The following SSBP3 variants were observed in gnomAD, a reference collection of about 807,000 sequenced individuals.
The protein encoded by SSBP3 is single stranded DNA binding protein 3.
SSBP3 carries 5 observed loss-of-function variants against 69.6 expected under a neutral mutation model. That is an observed-to-expected ratio of 0.07 (90% confidence interval 0.04 to 0.15). The LOEUF (loss-of-function observed/expected upper bound fraction) is 0.15. Among genes scored for constraint, SSBP3 ranks in the 10% least tolerant of loss-of-function variants. SSBP3 has a pLI of 1.00. For missense variants in SSBP3, 312 were observed against 534.0 expected (o/e 0.58, Z 4.10); for synonymous variants, 196 against 193.4 (o/e 1.01, Z -0.11).
chr1:54,317,171 C>T (rs1032406736), intron 4 of SSBP3, among the ~76,000 whole-genome samples: 16 of 152,046 alleles, frequency 1.1e-4, no homozygotes, highest in African/African-American at 3.1e-4. Flanking sequence ...AGGAAGGAAT[C>T]GCCAATTAAG....
chr1:54,299,859 C>A (rs948740616), intron 4 of SSBP3, among the ~76,000 whole-genome samples: 2 of 152,238 alleles, frequency 1.3e-5, no homozygotes, highest in Non-Finnish European at 2.9e-5. Context: ...TTGCCACACA[C>A]CAGCTCAGCC....
intron 4 of SSBP3, among the ~76,000 whole-genome samples, chr1:54,386,504 A>AC (rs1648089484): frequency 6.6e-6 from 1 of 151,602 alleles, no homozygotes; most frequent in East Asian, 1.9e-4. Context: ...AGGTGTTCTC[A>AC]CCCCCAGTTC....
Position 54,241,055 on chromosome 1 carries a change from G to A in SSBP3, c.802-96C>T, listed in dbSNP as rs978308395. The stretch of plus-strand genomic sequence containing the variant: ...CCTCCCTGGTCAGCAGCAACTGCTC[G>A]CCCCAGGCCCAGCCGCTATTCATCT... On this transcript the variant is annotated intron_variant, in intron 12 of 17. Transcript: ENST00000610401. 1.2e-5 allele frequency: 16 copies of A among 1,352,076 alleles called. No homozygotes were observed. The South Asian group carries it at 1.4e-4, about 12-fold the overall frequency. 83.8% of individuals were successfully genotyped at this position (1,352,076 alleles called of 1,614,324 possible).
At chr1:54,262,999 A>G (rs1325839939) in intron 5 of SSBP3, among the ~76,000 whole-genome samples, 1 of 152,108 alleles carries the variant, frequency 6.6e-6, no homozygotes, top group African/African-American at 2.4e-5. Flanking sequence ...TAACTCCCGC[A>G]GTTTCTTGTT....
chr1:54,263,648 C>T (rs1645052604), intron 5 of SSBP3, among the ~76,000 whole-genome samples: 1 of 152,218 alleles, frequency 6.6e-6, no homozygotes, highest in African/African-American at 2.4e-5. Flanking sequence ...TTCATGAAGG[C>T]TTTCCTGCTC....
At chr1:54,303,207 G>A (rs959423907) in intron 4 of SSBP3, among the ~76,000 whole-genome samples, 2 of 152,226 alleles carry the variant, frequency 1.3e-5, no homozygotes, top group Non-Finnish European at 2.9e-5. Flanking sequence ...AGAGAGCAGA[G>A]ATGAGCTTGG....
rs1385195202 is a variant in SSBP3, at chr1:54,356,864, C to T, written c.276+44997G>A. 2 of 152,280 alleles carry T rather than the reference C, an allele frequency of 1.3e-5. 1 individual carries two copies. 9.4% of individuals were successfully genotyped at this position (152,280 alleles called of 1,614,324 possible). ...TGCTTTGTGCTCAGCAACCAGCGTT[C>T]AAGAGATCTTCAAAGAATAAATGTA... On this transcript the variant is annotated intron_variant, in intron 4 of 17. Transcript: ENST00000610401.
intron 4 of SSBP3, among the ~76,000 whole-genome samples, chr1:54,340,909 C>T (rs2100520360): frequency 6.6e-6 from 1 of 152,344 alleles, no homozygotes; most frequent in East Asian, 1.9e-4. Context: ...CCACTCCACC[C>T]TGCTGGAAAG....
rs1034323862 is a variant in SSBP3 at position 54,228,605 on chromosome 1, G to C, written c.1007-128C>G. The C allele has an allele frequency of 9.2e-5, 137 of 1,483,176 alleles. 1 individual carries two copies. Among genetic ancestry groups the C allele is most frequent in the Non-Finnish European group, 1.2e-4 (133 of 1,091,424 alleles). 91.9% of individuals were successfully genotyped at this position (1,483,176 alleles called of 1,614,324 possible). A position where few individuals can be genotyped will look rare whatever the true frequency, so the allele number is the denominator to read the frequency against. On this transcript the variant is annotated intron_variant, in intron 15 of 17. Transcript: ENST00000610401. ...TCCCACACTGTGCGGAGGGCTTTCT[G>C]TGCGGCATCCCTCTCAGGATCGTCC... is the stretch of plus-strand genomic sequence containing the variant.
At chr1:54,247,801 A>G (rs1170592195) in intron 9 of SSBP3, among the ~76,000 whole-genome samples, 2 of 152,226 alleles carry the variant, frequency 1.3e-5, no homozygotes, top group Non-Finnish European at 2.9e-5. Context: ...GGAGCCCCTC[A>G]GTTTTAGCTT....
chr1:54,282,071 T>A (rs529367840), intron 4 of SSBP3, among the ~76,000 whole-genome samples: 39 of 150,656 alleles, frequency 2.6e-4, no homozygotes, highest in East Asian at 7.8e-4. Context: ...ATAATAATAA[T>A]AAAAAAATGG....
intron 4 of SSBP3, among the ~76,000 whole-genome samples, chr1:54,340,661 C>T (rs1226868464): frequency 6.6e-6 from 1 of 152,202 alleles, no homozygotes; most frequent in African/African-American, 2.4e-5. Context: ...AGTGGCTTCC[C>T]AGGGAAATGA....
At chr1:54,249,692 CTT>C (rs1309106055) in intron 9 of SSBP3, among the ~76,000 whole-genome samples, 5 of 140,870 alleles carry the variant, frequency 3.5e-5, no homozygotes, top group Admixed American at 7.1e-5. Flanking sequence ...AACAATAAAA[CTT>C]TTTTTATTTT....
chr1:54,288,973 T>C (rs552143989), intron 4 of SSBP3, among the ~76,000 whole-genome samples: 50 of 133,266 alleles, frequency 3.8e-4, no homozygotes, highest in Admixed American at 2.0e-3. Flanking sequence ...TGAGCCGAGA[T>C]CGTGCCACTG....
intron 14 of SSBP3, chr1:54,238,197 G>A (rs552602886): frequency 2.1e-4 from 97 of 471,096 alleles, no homozygotes; most frequent in African/African-American, 1.4e-3. Context: ...AGGGCAGCCC[G>A]CGCTCGGGGT....
intron 4 of SSBP3, among the ~76,000 whole-genome samples, chr1:54,387,206 A>G (rs1648156361): frequency 6.6e-6 from 1 of 152,142 alleles, no homozygotes; most frequent in Admixed American, 6.5e-5. Flanking sequence ...ATCGTTTACT[A>G]TTGCTTATAG....
At chr1:54,337,500 T>G (rs1646530706) in intron 4 of SSBP3, among the ~76,000 whole-genome samples, 1 of 129,178 alleles carries the variant, frequency 7.7e-6, no homozygotes, top group Non-Finnish European at 1.6e-5. Context: ...TTTTTTTTTT[T>G]TTTTTTTTTT....
At chr1:54,323,657 G>A (rs928940359) in intron 4 of SSBP3, among the ~76,000 whole-genome samples, 2 of 152,210 alleles carry the variant, frequency 1.3e-5, no homozygotes, top group Non-Finnish European at 2.9e-5. Context: ...TGGGGGCAAA[G>A]CTCAGCCTTG....
At chr1:54,385,770 TC>T (rs1557583892) in intron 4 of SSBP3, among the ~76,000 whole-genome samples, 1 of 152,058 alleles carries the variant, frequency 6.6e-6, no homozygotes, top group Non-Finnish European at 1.5e-5. Context: ...CTGAGTACAA[TC>T]CCCATTTTAC....
Sources: allele counts gnomAD v4.1 joint callset (sites outside exome capture counted in the v4.1 genomes callset), GRCh38; gene constraint gnomAD v4.1.1; transcripts MANE v1.5; gene names NCBI Gene and HGNC (gene_info 2026-07-23, HGNC 2026-07-21).